G3BP2: variants seen among roughly 807,000 people sequenced by gnomAD.
G3BP2 encodes ras GTPase-activating protein-binding protein 2.
In G3BP2, 11 loss-of-function variants were observed where a neutral mutation model predicts 56.7. That is an observed-to-expected ratio of 0.19 (90% confidence interval 0.12 to 0.32). The LOEUF is 0.32. Among genes scored for constraint, G3BP2 ranks in the 10% least tolerant of loss-of-function variants. The probability of loss-of-function intolerance (pLI) is 1.00; values close to 1 mark genes in which losing one functional copy is unlikely to be tolerated. For missense variants in G3BP2, 340 were observed against 610.9 expected (o/e 0.56, Z 4.67); for synonymous variants, 165 against 191.6 (o/e 0.86, Z 1.15).
intron 3 of G3BP2, among the ~76,000 whole-genome samples, chr4:75,701,010 T>C (rs1719323039): frequency 1.3e-5 from 2 of 150,068 alleles, no homozygotes; most frequent in South Asian, 2.1e-4. Flanking sequence ...GCTATATATT[T>C]TTTTGTATTT....
intron 4 of G3BP2, among the ~76,000 whole-genome samples, chr4:75,657,269 A>G (rs931608283): frequency 3.3e-5 from 5 of 152,226 alleles, no homozygotes; most frequent in Admixed American, 2.0e-4. Context: ...AAAAGAAACC[A>G]AAAGAACTCT....
chr4:75,655,993 CTT>C (rs373392333), intron 5 of G3BP2, 123 bp from the exon 6 acceptor site: 9,938 of 476,462 alleles, frequency 0.021, no homozygotes, highest in South Asian at 0.027. Flanking sequence ...ATTTTCTTTC[CTT>C]TTTTTTTTTT....
intron 3 of G3BP2, among the ~76,000 whole-genome samples, chr4:75,706,155 G>A (rs1719535528): frequency 1.3e-5 from 2 of 152,144 alleles, no homozygotes; most frequent in Admixed American, 1.3e-4. Flanking sequence ...TCATAGGTGA[G>A]TGCTTTGGAA....
Position 75,655,243 on chromosome 4 carries a change from A to G in G3BP2, c.549T>C (p.Asn183=), listed in dbSNP as rs573202317. The G allele has an allele frequency of 1.6e-4, 254 of 1,599,844 alleles. 5 individuals are homozygous for G. In the South Asian group the frequency reaches 2.7e-3, roughly 17 times the overall value. The change falls in exon 7 of 12, where the codon AAT becomes AAC. Residue 183 remains asparagine, a synonymous_variant. Coordinates refer to ENST00000359707, the MANE Select transcript of G3BP2 (RefSeq NM_203505.3). ...ATTCTTCCAAAGGCTCCTCTATGCCATTACTACAATAAAATATTTAGTTCA... is the reference window on the plus strand; with the variant it reads ...ATTCTTCCAAAGGCTCCTCTATGCCGTTACTACAATAAAATATTTAGTTCA... ...SGYYEAHPVT[N]GIEEPLEESS... is the part of the protein sequence containing the mutation.
Position 75,645,380 on chromosome 4 carries a change from A to C in G3BP2, c.*50T>G. 6.5e-7 allele frequency: 1 copy of C among 1,534,360 alleles called. No individual in the cohort carries two copies. The highest frequency in any genetic ancestry group is 8.8e-7 in the Non-Finnish European group (1 of 1,135,844). ...CCAAAAAAAAAATTAACAAGAATGC[A>C]AACACGATGAATAATGTACCACTGC... On this transcript the variant is annotated 3_prime_UTR_variant, in exon 12 of 12. Coordinates refer to ENST00000359707, the MANE Select transcript of G3BP2 (RefSeq NM_203505.3).
Position 75,673,206 on chromosome 4 carries a change from A to G in G3BP2, c.-25+2T>C. 3.3e-6 allele frequency: 4 copies of G among 1,205,804 alleles called. No homozygotes were observed. The highest frequency in any genetic ancestry group is 4.1e-6 in the Non-Finnish European group (4 of 971,618). 74.7% of individuals were successfully genotyped at this position (1,205,804 alleles called of 1,614,324 possible). On this transcript the variant is annotated splice_donor_variant, in intron 1 of 11. Transcript: ENST00000359707. LOFTEE classifies it low-confidence loss of function (5UTR_SPLICE). ...ACCTCCCCTCCCGGCGCCCGTACAC[A>G]CCTCCAGCCAACGGCGGCGGCGGGT...
At chr4:75,706,214 C>T (rs560748057) in intron 3 of G3BP2, among the ~76,000 whole-genome samples, 2 of 152,258 alleles carry the variant, frequency 1.3e-5, no homozygotes, top group South Asian at 4.1e-4. Context: ...TTCTTATAAA[C>T]CTGGATATTG....
chr4:75,708,733 G>A (rs946224211), intron 3 of G3BP2, among the ~76,000 whole-genome samples: 6 of 152,100 alleles, frequency 3.9e-5, no homozygotes, highest in Non-Finnish European at 2.9e-5. Flanking sequence ...CACTTTGGGA[G>A]GCCAAGGCAG....
In G3BP2 at chr4:75,645,337, C is replaced by G; in HGVS notation, c.*93G>C. The G allele has an allele frequency of 8.9e-7, 1 of 1,117,912 alleles. No homozygotes were observed. Among genetic ancestry groups the G allele is most frequent in the Non-Finnish European group, 1.3e-6 (1 of 778,464 alleles). The allele number at this position is 1,117,912 out of a possible 1,614,324, so 69.2% of individuals were successfully genotyped here. A position where few individuals can be genotyped will look rare whatever the true frequency, so the allele number is the denominator to read the frequency against. On this transcript the variant is annotated 3_prime_UTR_variant, in exon 12 of 12. Coordinates refer to ENST00000359707, the MANE Select transcript of G3BP2 (RefSeq NM_203505.3). ...CACATCAAAGAAATGATCAAAAAGG[C>G]TGTGTCACATTCCAAAGCCAAAAAA... is the stretch of plus-strand genomic sequence containing the variant.
intron 11 of G3BP2, among the ~76,000 whole-genome samples, chr4:75,646,064 T>A (rs1401983728): frequency 6.6e-6 from 1 of 152,124 alleles, no homozygotes; most frequent in Non-Finnish European, 1.5e-5. Flanking sequence ...CTGCCTTAAC[T>A]TCCCAAAGTG....
intron 3 of G3BP2, among the ~76,000 whole-genome samples, chr4:75,717,307 G>A (rs1719966229): frequency 6.6e-6 from 1 of 152,148 alleles, no homozygotes; most frequent in Non-Finnish European, 1.5e-5. Flanking sequence ...GGGTGTGGTA[G>A]TGCACACCTG....
At chr4:75,700,738 G>A (rs1426946273) in intron 3 of G3BP2, among the ~76,000 whole-genome samples, 1 of 147,876 alleles carries the variant, frequency 6.8e-6, no homozygotes, top group African/African-American at 2.5e-5. Flanking sequence ...TCATTTTATG[G>A]TTAAAAAAAA....
intron 3 of G3BP2, among the ~76,000 whole-genome samples, chr4:75,704,453 G>A (rs1719467099): frequency 6.6e-6 from 1 of 151,644 alleles, no homozygotes; most frequent in Admixed American, 6.6e-5. Context: ...GAGTAGCTGG[G>A]ACCACAGGCT....
At chr4:75,719,751 G>A (rs565734751) in intron 3 of G3BP2, among the ~76,000 whole-genome samples, 55 of 151,842 alleles carry the variant, frequency 3.6e-4, no homozygotes, top group African/African-American at 1.3e-3. Context: ...CACCACGCTC[G>A]GCTAATTCTG....
chr4:75,703,260 A>G (rs1719415538), intron 3 of G3BP2, among the ~76,000 whole-genome samples: 1 of 152,002 alleles, frequency 6.6e-6, no homozygotes, highest in African/African-American at 2.4e-5. Context: ...TTCAGATAGC[A>G]AAAGCAGATT....
At chr4:75,698,883 TG>T (rs1719224517) in intron 3 of G3BP2, among the ~76,000 whole-genome samples, 2 of 152,038 alleles carry the variant, frequency 1.3e-5, no homozygotes. Flanking sequence ...TTTATAGAGA[TG>T]GGGGTCTCAC....
intron 3 of G3BP2, among the ~76,000 whole-genome samples, chr4:75,714,624 A>G (rs910966474): frequency 3.3e-5 from 5 of 152,162 alleles, no homozygotes; most frequent in Non-Finnish European, 5.9e-5. Context: ...GTGAAACTCC[A>G]TGTCAGAAAA....
chr4:75,690,600 C>T (rs955675356), intron 3 of G3BP2, among the ~76,000 whole-genome samples: 1 of 152,120 alleles, frequency 6.6e-6, no homozygotes, highest in Non-Finnish European at 1.5e-5. Context: ...GTGTTCTTTT[C>T]TCACTCTGTC....
chr4:75,668,052 A>G (rs535588406), intron 1 of G3BP2, among the ~76,000 whole-genome samples: 3 of 152,316 alleles, frequency 2.0e-5, no homozygotes, highest in Admixed American at 6.5e-5. Context: ...CCTGAAGCAC[A>G]TGCACTTCAG....
Sources: allele counts gnomAD v4.1 joint callset (sites outside exome capture counted in the v4.1 genomes callset), GRCh38; gene constraint gnomAD v4.1.1; transcripts MANE v1.5; gene names NCBI Gene and HGNC (gene_info 2026-07-23, HGNC 2026-07-21).